Variants in JPH3 observed in about 807,000 individuals in gnomAD.
The protein encoded by JPH3 is junctophilin-3.
Under a neutral mutation model 59.6 loss-of-function variants are expected in JPH3, and 11 were observed. The observed-to-expected ratio is 0.18, with a 90% CI of 0.12 to 0.31. JPH3 has a LOEUF of 0.31. Ranked by LOEUF, JPH3 falls within the 10% of genes least tolerant of loss-of-function variation. JPH3 has a pLI of 1.00. For missense variants in JPH3, 1,202 were observed against 1,105.7 expected (o/e 1.09, Z -1.24); for synonymous variants, 673 against 483.6 (o/e 1.39, Z -5.14).
chr16:87,634,331 C>T (rs1276215440), intron 1 of JPH3, among the ~76,000 whole-genome samples: 1 of 152,126 alleles, frequency 6.6e-6, no homozygotes, highest in East Asian at 1.9e-4. Flanking sequence ...GACAGAAACC[C>T]AGCCAAAGCG....
At chr16:87,604,505 C>T (rs1391438330) in intron 1 of JPH3, 4 of 1,306,754 alleles carry the variant, frequency 3.1e-6, no homozygotes, top group Non-Finnish European at 4.0e-6. Context: ...GGAGCTTATC[C>T]TCAGAGGCAC....
chr16:87,625,538 A>C (rs1466007208), intron 1 of JPH3, among the ~76,000 whole-genome samples: 1 of 152,170 alleles, frequency 6.6e-6, no homozygotes. Flanking sequence ...CAGCATGCAC[A>C]CTGCAGCCAA....
At chr16:87,667,070 T>G (rs1480883707) in intron 2 of JPH3, among the ~76,000 whole-genome samples, 1 of 152,242 alleles carries the variant, frequency 6.6e-6, no homozygotes, top group Non-Finnish European at 1.5e-5. Flanking sequence ...GTGCCCCCTC[T>G]GCAGCCTCTG....
At chr16:87,602,425 C>CGGGGGCGGGGGCGGGGGCG (rs2030241147), upstream of JPH3, among the ~76,000 whole-genome samples, 4 of 6,122 alleles carry the variant, frequency 6.5e-4, no homozygotes, top group Non-Finnish European at 1.5e-3. Context: ...GGGGCGGGGG[C>CGGGGGCGGGGGCGGGGGCG]GGGGGCGGGG....
chr16:87,691,721 G>C (rs748404584), intron 4 of JPH3, among the ~76,000 whole-genome samples: 5 of 152,122 alleles, frequency 3.3e-5, no homozygotes, highest in Non-Finnish European at 5.9e-5. Flanking sequence ...TGTCCTGTTG[G>C]GTTCCTAAGA....
At chr16:87,685,748 C>T (rs1179696838) in intron 3 of JPH3, among the ~76,000 whole-genome samples, 4 of 152,256 alleles carry the variant, frequency 2.6e-5, no homozygotes, top group Non-Finnish European at 5.9e-5. Flanking sequence ...CTGCCTGCGA[C>T]TCACATTCCA....
chr16:87,633,180 G>A (rs1408059921), intron 1 of JPH3, among the ~76,000 whole-genome samples: 1 of 152,154 alleles, frequency 6.6e-6, no homozygotes, highest in Non-Finnish European at 1.5e-5. Flanking sequence ...GAAGGTCAGG[G>A]TCAAGGTGCT....
At chr16:87,635,778 C>A (rs756843670) in intron 1 of JPH3, among the ~76,000 whole-genome samples, 2 of 152,070 alleles carry the variant, frequency 1.3e-5, no homozygotes, top group Admixed American at 6.5e-5. Flanking sequence ...GGGGTCCACC[C>A]ACGTCTTCCG....
intron 1 of JPH3, among the ~76,000 whole-genome samples, chr16:87,607,177 C>T (rs939398741): frequency 1.3e-5 from 2 of 152,248 alleles, no homozygotes; most frequent in African/African-American, 4.8e-5. Context: ...CCATACACTG[C>T]CCAGGACCCC....
intron 2 of JPH3, 89 bp downstream of exon 2, chr16:87,645,124 C>G: frequency 7.3e-7 from 1 of 1,368,860 alleles, no homozygotes; most frequent in Non-Finnish European, 9.8e-7. Flanking sequence ...CGCTCAAGGC[C>G]TTGGGCTAGG....
At chr16:87,653,348 G>A (rs997414235) in intron 2 of JPH3, among the ~76,000 whole-genome samples, 6 of 152,130 alleles carry the variant, frequency 3.9e-5, no homozygotes, top group African/African-American at 1.4e-4. Context: ...TCTGCTCTCT[G>A]CTGTGGCTTG....
chr16:87,667,954 C>G (rs924213897), intron 2 of JPH3, among the ~76,000 whole-genome samples: 2 of 152,146 alleles, frequency 1.3e-5, no homozygotes, highest in Admixed American at 1.3e-4. Context: ...GGTGGACACT[C>G]TGATTCCACC....
At chr16:87,660,025 G>A (rs2032650089) in intron 2 of JPH3, among the ~76,000 whole-genome samples, 1 of 152,134 alleles carries the variant, frequency 6.6e-6, no homozygotes, top group African/African-American at 2.4e-5. Context: ...CACTCCTAGT[G>A]TGGAGGTCGG....
intron 2 of JPH3, among the ~76,000 whole-genome samples, chr16:87,668,866 T>C (rs925231650): frequency 6.6e-6 from 1 of 152,048 alleles, no homozygotes; most frequent in East Asian, 1.9e-4. Flanking sequence ...CAGACAGCCC[T>C]ACCCCCAGCT....
At chr16:87,628,862 A>G (rs940583614) in intron 1 of JPH3, among the ~76,000 whole-genome samples, 6 of 152,008 alleles carry the variant, frequency 3.9e-5, no homozygotes, top group African/African-American at 7.2e-5. Context: ...GTCACTCCCA[A>G]TGTTCATTGG....
At chr16:87,640,564 T>A (rs559694347) in intron 1 of JPH3, among the ~76,000 whole-genome samples, 1 of 151,916 alleles carries the variant, frequency 6.6e-6, no homozygotes, top group African/African-American at 2.4e-5. Context: ...CTAGTTTTTT[T>A]GTATTTTTAG....
chr16:87,615,613 C>G (rs987259527), intron 1 of JPH3, among the ~76,000 whole-genome samples: 2 of 152,174 alleles, frequency 1.3e-5, no homozygotes, highest in Non-Finnish European at 2.9e-5. Flanking sequence ...AGCAGGGACT[C>G]CATAGCTCCA....
intron 2 of JPH3, among the ~76,000 whole-genome samples, chr16:87,646,074 C>T (rs939044425): frequency 3.3e-5 from 5 of 152,184 alleles, no homozygotes; most frequent in Non-Finnish European, 5.9e-5. Context: ...GCTGCCCAGG[C>T]AGGAGGCTTC....
chr16:87,614,298 G>A (rs549968539), intron 1 of JPH3, among the ~76,000 whole-genome samples: 35 of 151,844 alleles, frequency 2.3e-4, no homozygotes, highest in African/African-American at 7.5e-4. Context: ...GGAGCTGTGC[G>A]TCCCCTCCAA....
Sources: gnomAD v4.1 joint callset for allele counts (sites outside exome capture counted in the v4.1 genomes callset) on GRCh38, gnomAD v4.1.1 for gene constraint, MANE v1.5 for transcripts, NCBI Gene and HGNC (gene_info 2026-07-23, HGNC 2026-07-21) for gene names.